Variants in UBASH3B observed in about 807,000 individuals in gnomAD.
UBASH3B encodes ubiquitin-associated and SH3 domain-containing protein B.
In UBASH3B, 37 loss-of-function variants were observed where a neutral mutation model predicts 83.4. The observed-to-expected ratio is 0.44, with a 90% CI of 0.34 to 0.58. UBASH3B has a LOEUF of 0.58. Ranked by LOEUF, UBASH3B falls within the 20% of genes least tolerant of loss-of-function variation. The probability of loss-of-function intolerance (pLI) is 0.01; values close to 1 mark genes in which losing one functional copy is unlikely to be tolerated. For missense variants in UBASH3B, 657 were observed against 827.2 expected, an observed-to-expected ratio of 0.79 and a Z score of 2.52; for synonymous variants, 304 against 318.3, an observed-to-expected ratio of 0.96 and a Z score of 0.48.
intron 1 of UBASH3B, among the ~76,000 whole-genome samples, chr11:122,706,869 A>G (rs1864126012): frequency 6.6e-6 from 1 of 152,202 alleles, no homozygotes; most frequent in African/African-American, 2.4e-5. Context: ...CTCTAAATCT[A>G]TCTGGGTTAA....
chr11:122,694,815 C>T (rs751509277), intron 1 of UBASH3B, among the ~76,000 whole-genome samples: 4 of 151,866 alleles, frequency 2.6e-5, no homozygotes, highest in Non-Finnish European at 5.9e-5. Flanking sequence ...ATTTAGTGTG[C>T]CACAGTGGAT....
chr11:122,679,888 T>C (rs1289589202), intron 1 of UBASH3B, among the ~76,000 whole-genome samples: 2 of 152,306 alleles, frequency 1.3e-5, no homozygotes, highest in East Asian at 1.9e-4. Flanking sequence ...TGGAGTGCAA[T>C]GACACGATCT....
intron 1 of UBASH3B, among the ~76,000 whole-genome samples, chr11:122,716,364 G>A (rs1009572050): frequency 3.3e-5 from 5 of 152,166 alleles, no homozygotes; most frequent in African/African-American, 9.7e-5. Context: ...TAGTAGAGAC[G>A]GTGTTTTGCC....
At chr11:122,760,515 C>T (rs750102534) in intron 1 of UBASH3B, among the ~76,000 whole-genome samples, 3 of 152,100 alleles carry the variant, frequency 2.0e-5, no homozygotes, top group Non-Finnish European at 2.9e-5. Context: ...CATGCACCAC[C>T]GCACCTGGCT....
intron 5 of UBASH3B, among the ~76,000 whole-genome samples, chr11:122,786,643 C>T (rs1412670239): frequency 4.6e-5 from 7 of 151,982 alleles, no homozygotes; most frequent in African/African-American, 1.7e-4. Flanking sequence ...GGCGACAGAG[C>T]GAGACTCCGT....
intron 1 of UBASH3B, among the ~76,000 whole-genome samples, chr11:122,729,901 C>T (rs2135951716): frequency 7.9e-6 from 1 of 127,052 alleles, no homozygotes; most frequent in Admixed American, 9.6e-5. Flanking sequence ...ATCAGTTGGG[C>T]ATGGGAGTTC....
Position 122,677,398 on chromosome 11 carries a change from A to C in UBASH3B, c.161+21188A>C, listed in dbSNP as rs1863682028. Among the ~76,000 whole-genome samples, 2 of 146,626 alleles carry C rather than the reference A, an allele frequency of 1.4e-5. 1 individual carries two copies. The highest frequency in any genetic ancestry group is 4.3e-4 in the South Asian group (2 of 4,634). On this transcript the variant is annotated intron_variant, in intron 1 of 13. Transcript: ENST00000284273. The stretch of plus-strand genomic sequence containing the variant: ...TCTCAGGTTGCATTATCCATTCCTA[A>C]CTCCTATATACTACATTCCCATCTC...
chr11:122,724,802 GGTGAA>G (rs1860703264), intron 1 of UBASH3B, among the ~76,000 whole-genome samples: 1 of 152,020 alleles, frequency 6.6e-6, no homozygotes, highest in African/African-American at 2.4e-5. Context: ...GGAAGTGGGA[GGTGAA>G]GTGGAGAGTC....
intron 1 of UBASH3B, among the ~76,000 whole-genome samples, chr11:122,697,594 C>T (rs1863979433): frequency 6.6e-6 from 1 of 152,226 alleles, no homozygotes; most frequent in Non-Finnish European, 1.5e-5. Flanking sequence ...CCCAGATCCA[C>T]TGCCTCCCAC....
intron 1 of UBASH3B, among the ~76,000 whole-genome samples, chr11:122,657,859 C>T (rs1377038872): frequency 6.6e-6 from 1 of 151,888 alleles, no homozygotes; most frequent in Non-Finnish European, 1.5e-5. Flanking sequence ...CAGGTGAAGT[C>T]GTCGGTGTGG....
In UBASH3B at chr11:122,795,509, G is replaced by C. The variant is rs60530426; in HGVS notation, c.1114-647G>C. Among the ~76,000 whole-genome samples, 1,270 of 152,298 alleles carry C rather than the reference G, an allele frequency of 8.3e-3. 69 individuals carry two copies. In the East Asian group the frequency reaches 0.16, roughly 19 times the overall value. On this transcript the variant is annotated intron_variant, in intron 7 of 13. Coordinates refer to ENST00000284273, the MANE Select transcript of UBASH3B (RefSeq NM_032873.5). ...GACGGAATGCAGAAACAGCTGTAAG[G>C]TTCCATCCAGCAGTTATAGAAGCCA...
At chr11:122,713,073 A>G (rs577435690) in intron 1 of UBASH3B, among the ~76,000 whole-genome samples, 199 of 151,738 alleles carry the variant, frequency 1.3e-3, no homozygotes, top group South Asian at 8.1e-3. Flanking sequence ...ACGCCCAGCT[A>G]ATTTTTTGTA....
At chr11:122,657,195 G>A (rs559628927) in intron 1 of UBASH3B, among the ~76,000 whole-genome samples, 1 of 152,244 alleles carries the variant, frequency 6.6e-6, no homozygotes, top group African/African-American at 2.4e-5. Flanking sequence ...TACAGCACCT[G>A]AACAGGAGAG....
intron 1 of UBASH3B, among the ~76,000 whole-genome samples, chr11:122,757,141 T>C (rs1441263426): frequency 1.3e-5 from 2 of 152,246 alleles, no homozygotes; most frequent in African/African-American, 4.8e-5. Context: ...CACCAAGGGA[T>C]GTCCCGATGC....
At chr11:122,690,191 T>TCC (rs60142424) in intron 1 of UBASH3B, among the ~76,000 whole-genome samples, 1 of 27,432 alleles carries the variant, frequency 3.6e-5, no homozygotes, top group African/African-American at 1.1e-4. Context: ...TATATATATA[T>TCC]ATATATATAT....
chr11:122,676,246 A>C (rs961586687), intron 1 of UBASH3B, among the ~76,000 whole-genome samples: 2 of 152,168 alleles, frequency 1.3e-5, no homozygotes, highest in Admixed American at 1.3e-4. Context: ...TTACTAAAAA[A>C]ATACAACAAC....
chr11:122,729,795 CAAAAA>C (rs71054092), intron 1 of UBASH3B, among the ~76,000 whole-genome samples: 3 of 40,900 alleles, frequency 7.3e-5, no homozygotes, highest in African/African-American at 2.1e-4. Flanking sequence ...CCTATCTCTA[CAAAAA>C]AAAAAAAAAA....
At chr11:122,770,690 T>A (rs889720819) in intron 1 of UBASH3B, among the ~76,000 whole-genome samples, 2 of 152,214 alleles carry the variant, frequency 1.3e-5, no homozygotes, top group African/African-American at 4.8e-5. Context: ...AAGCTCACTG[T>A]CACTGTCACC....
intron 1 of UBASH3B, among the ~76,000 whole-genome samples, chr11:122,743,840 C>G (rs1428335867): frequency 6.6e-6 from 1 of 152,190 alleles, no homozygotes; most frequent in Non-Finnish European, 1.5e-5. Flanking sequence ...TTGGAAGAAG[C>G]AGTTTCCAAA....
Sources: gnomAD v4.1 joint callset for allele counts (sites outside exome capture counted in the v4.1 genomes callset) on GRCh38, gnomAD v4.1.1 for gene constraint, MANE v1.5 for transcripts, NCBI Gene and HGNC (gene_info 2026-07-23, HGNC 2026-07-21) for gene names.